Variants in C2orf42 observed in about 807,000 individuals in gnomAD.
C2orf42 encodes the protein chromosome 2 open reading frame 42.
A neutral mutation model predicts 58.9 loss-of-function variants in C2orf42; 44 were observed. The observed-to-expected ratio is 0.75, with a 90% CI of 0.59 to 0.96. The LOEUF is 0.96. C2orf42 is among the 40% of genes least tolerant of loss of function. The pLI is 0.00. For synonymous variants in C2orf42, 239 were observed against 265.4 expected, an observed-to-expected ratio of 0.90 and a Z score of 0.97; for missense variants, 630 against 699.2, an observed-to-expected ratio of 0.90 and a Z score of 1.12.
At chr2:70,159,764 T>C (rs1470907537) in intron 9 of C2orf42, among the ~76,000 whole-genome samples, 2 of 152,020 alleles carry the variant, frequency 1.3e-5, no homozygotes, top group Non-Finnish European at 2.9e-5. Flanking sequence ...CTTGAATTCA[T>C]GGCCTGAAGC....
chr2:70,167,512 A>AGGCGG (rs765220271), intron 6 of C2orf42, among the ~76,000 whole-genome samples: 86 of 152,200 alleles, frequency 5.7e-4, no homozygotes, highest in Non-Finnish European at 1.0e-3. Context: ...AGGCCTAGGC[A>AGGCGG]GGCGGATCAC....
At chr2:70,173,001 A>G (rs968378725) in intron 5 of C2orf42, among the ~76,000 whole-genome samples, 1 of 152,034 alleles carries the variant, frequency 6.6e-6, no homozygotes, top group African/African-American at 2.4e-5. Context: ...CATCTCTACC[A>G]AAAATACAAA....
chr2:70,179,478 C>T (rs1438784339), intron 4 of C2orf42, 54 bp downstream of exon 4: 3 of 636,160 alleles, frequency 4.7e-6, no homozygotes, highest in Non-Finnish European at 8.6e-6. Flanking sequence ...ACATAAAACG[C>T]AGTAAAACAA....
At chr2:70,190,449 G>C (rs1431889214) in intron 1 of C2orf42, 2 of 152,236 alleles carry the variant, frequency 1.3e-5, no homozygotes, top group Non-Finnish European at 2.9e-5. Flanking sequence ...CTGCCCACAC[G>C]ATCCTGTGAG....
intron 8 of C2orf42, among the ~76,000 whole-genome samples, chr2:70,162,706 C>T (rs936214410): frequency 6.6e-6 from 1 of 151,982 alleles, no homozygotes; most frequent in Admixed American, 6.6e-5. Flanking sequence ...CTCCTGGCCT[C>T]AAGCAATCCT....
chr2:70,172,191 T>C lies in C2orf42; in HGVS notation c.1040-2530A>G, dbSNP rs1247492024. 4.4e-5 allele frequency among the ~76,000 whole-genome samples: 6 copies of C among 137,130 alleles called. No individual in the cohort carries two copies. In the East Asian group the frequency reaches 1.3e-3, roughly 30 times the overall value. The allele number at this position is 137,130 out of a possible 152,430, so 90.0% of individuals were successfully genotyped here. On this transcript the variant is annotated intron_variant, in intron 5 of 9. Coordinates refer to ENST00000264434, the MANE Select transcript of C2orf42 (RefSeq NM_017880.3). Reference sequence around the variant, plus strand: ...GTGAGCTGAGATTGTGCCACTGTACTCCAGCCTAGGCGACAGAGTGAGACT... The same window carrying C: ...GTGAGCTGAGATTGTGCCACTGTACCCCAGCCTAGGCGACAGAGTGAGACT...
In C2orf42 at chr2:70,179,551, C is replaced by T. The variant is rs1674410433; in HGVS notation, c.915G>A (p.Arg305=). The T allele has an allele frequency of 2.7e-6, 4 of 1,498,344 alleles. No homozygotes were observed. The highest frequency in any genetic ancestry group is 2.3e-5 in the East Asian group (1 of 44,336). 92.8% of individuals were successfully genotyped at this position (1,498,344 alleles called of 1,614,324 possible). Residue 305 remains arginine (R), a synonymous_variant, in exon 4 of 10, where the codon AGG becomes AGA. Transcript: ENST00000264434. The part of the protein sequence containing the change: ...CESTASKSKK[R]RKDEVSGAQM... ...TCTTACCAGATACTTCATCCTTTCT[C>T]CTCTTCTTTGACTTAGAGGCAGTAG... is the stretch of plus-strand genomic sequence containing the variant.
intron 9 of C2orf42, among the ~76,000 whole-genome samples, chr2:70,159,549 C>G (rs969790431): frequency 6.1e-5 from 9 of 148,692 alleles, no homozygotes; most frequent in Non-Finnish European, 1.0e-4. Context: ...GATCATGCCA[C>G]TGCACTCTAT....
rs1558645614 is a variant in C2orf42 at position 70,150,102 on chromosome 2, T to C, written c.*254A>G. The C allele has an allele frequency of 9.6e-6, 5 of 522,894 alleles. No homozygotes were observed. The highest frequency in any genetic ancestry group is 6.8e-5 in the South Asian group (3 of 44,074). 32.4% of individuals were successfully genotyped at this position (522,894 alleles called of 1,614,324 possible). A position where few individuals can be genotyped will look rare whatever the true frequency, so the allele number is the denominator to read the frequency against. ...TAAGAAGGAAAATAAGCTGGTTTTC[T>C]TTCTGTTCCTTTTAAAACTCTAGCC... On this transcript the variant is annotated 3_prime_UTR_variant, in exon 10 of 10. Transcript: ENST00000264434.
At chr2:70,186,304 A>G (rs1326633278) in intron 1 of C2orf42, among the ~76,000 whole-genome samples, 1 of 152,112 alleles carries the variant, frequency 6.6e-6, no homozygotes, top group African/African-American at 2.4e-5. Context: ...ATATACGTAT[A>G]TGTATATATA....
intron 5 of C2orf42, among the ~76,000 whole-genome samples, chr2:70,172,117 G>A (rs11695622): frequency 0.2 from 29,756 of 151,388 alleles, 4,095 homozygotes; most frequent in African/African-American, 0.39. Flanking sequence ...TCAGCTACTC[G>A]GGAGGCTGAG....
intron 6 of C2orf42, among the ~76,000 whole-genome samples, chr2:70,166,651 G>A (rs1673426516): frequency 6.6e-6 from 1 of 151,936 alleles, no homozygotes; most frequent in African/African-American, 2.4e-5. Flanking sequence ...ACTCTAGCTT[G>A]GGCAACAGGG....
intron 1 of C2orf42, among the ~76,000 whole-genome samples, chr2:70,188,000 C>G (rs1397467161): frequency 6.6e-6 from 1 of 151,958 alleles, no homozygotes; most frequent in Non-Finnish European, 1.5e-5. Flanking sequence ...TGCATTTTGG[C>G]TTTTATAGGA....
At chr2:70,176,518 T>A (rs1674206316) in intron 4 of C2orf42, among the ~76,000 whole-genome samples, 1 of 151,956 alleles carries the variant, frequency 6.6e-6, no homozygotes, top group South Asian at 2.1e-4. Context: ...AAAAAAAAAT[T>A]ATTTGTTAAC....
At chr2:70,180,485 G>A (rs901438538) in intron 3 of C2orf42, among the ~76,000 whole-genome samples, 2 of 151,260 alleles carry the variant, frequency 1.3e-5, no homozygotes, top group African/African-American at 4.9e-5. Flanking sequence ...GCAGGCGCCT[G>A]TAATCCCGGC....
chr2:70,153,821 A>C (rs1189665055), intron 9 of C2orf42, among the ~76,000 whole-genome samples: 1 of 151,458 alleles, frequency 6.6e-6, no homozygotes, highest in African/African-American at 2.4e-5. Context: ...GCATTTTGGG[A>C]GGCCGAGGCG....
At chr2:70,158,743 C>T (rs1035088284) in intron 9 of C2orf42, among the ~76,000 whole-genome samples, 5 of 151,918 alleles carry the variant, frequency 3.3e-5, no homozygotes, top group East Asian at 3.9e-4. Flanking sequence ...TCACCACGCC[C>T]GGCCACGCCT....
chr2:70,172,426 C>T (rs1009744331), intron 5 of C2orf42, among the ~76,000 whole-genome samples: 4 of 151,716 alleles, frequency 2.6e-5, no homozygotes, highest in African/African-American at 9.7e-5. Flanking sequence ...GCCTGTAATC[C>T]TAGCACTTTG....
chr2:70,154,782 G>A (rs181964838), intron 9 of C2orf42, among the ~76,000 whole-genome samples: 360 of 151,928 alleles, frequency 2.4e-3, no homozygotes, highest in Middle Eastern at 0.014. Context: ...TTGAGACAAG[G>A]TCTTGCTCTG....
Sources: gnomAD v4.1 joint callset for allele counts (sites outside exome capture counted in the v4.1 genomes callset) on GRCh38, gnomAD v4.1.1 for gene constraint, MANE v1.5 for transcripts, NCBI Gene and HGNC (gene_info 2026-07-23, HGNC 2026-07-21) for gene names.